LPP: variants seen among roughly 807,000 people sequenced by gnomAD.
LPP encodes the protein lipoma-preferred partner.
A neutral mutation model predicts 60.4 loss-of-function variants in LPP; 38 were observed. That is an observed-to-expected ratio of 0.63 (90% confidence interval 0.49 to 0.83). The LOEUF is 0.83. LPP is among the 40% of genes least tolerant of loss of function. The pLI is 0.00. For missense variants in LPP, 902 were observed against 783.6 expected, an observed-to-expected ratio of 1.15 and a Z score of -1.80; for synonymous variants, 328 against 290.8, an observed-to-expected ratio of 1.13 and a Z score of -1.30.
chr3:188,379,696 A>G (rs1776337759), intron 3 of LPP, among the ~76,000 whole-genome samples: 1 of 152,124 alleles, frequency 6.6e-6, no homozygotes, highest in South Asian at 2.1e-4. Flanking sequence ...ACATCATACA[A>G]TATGTAGTCT....
At chr3:188,512,483 C>T (rs533250196) in intron 5 of LPP, among the ~76,000 whole-genome samples, 4 of 91,320 alleles carry the variant, frequency 4.4e-5, no homozygotes, top group East Asian at 4.7e-4. Flanking sequence ...ACCTGGGAGA[C>T]GGAGGTTTCA....
intron 1 of LPP, among the ~76,000 whole-genome samples, chr3:188,191,384 C>T (rs1042767454): frequency 4.6e-5 from 7 of 152,200 alleles, no homozygotes; most frequent in Non-Finnish European, 8.8e-5. Context: ...TGGTTATTTC[C>T]TTATTCTTAG....
At position 188,613,300 on chromosome 3, in the gene LPP, A is replaced by ATATCTATATCTATATCTATATCTATATC. The variant is rs1553944251; in HGVS notation, c.1113+3471_1113+3472insCTATATCTATATCTATCTATATCTATAT. On this transcript the variant is annotated intron_variant, in intron 7 of 11. Transcript: ENST00000617246. The stretch of plus-strand genomic sequence containing the variant: ...TATATCTATATCTATATCTATATCT[A>ATATCTATATCTATATCTATATCTATATC]TATCTATATCTATATATATCGCTGT... 4.8e-5 allele frequency among the ~76,000 whole-genome samples: 7 copies of ATATCTATATCTATATCTATATCTATATC among 146,266 alleles called. No individual in the cohort carries two copies. In the South Asian group the frequency reaches 1.1e-3, roughly 22 times the overall value.
intron 7 of LPP, among the ~76,000 whole-genome samples, chr3:188,669,108 G>T (rs1042329673): frequency 6.6e-6 from 1 of 152,132 alleles, no homozygotes; most frequent in African/African-American, 2.4e-5. Context: ...AATTGAGAAG[G>T]GAAGTGAGTG....
intron 9 of LPP, among the ~76,000 whole-genome samples, chr3:188,773,263 G>GATGC (rs142588789): frequency 0.023 from 3,445 of 152,236 alleles, 110 homozygotes; most frequent in African/African-American, 0.073. Context: ...AGAGTAAGGG[G>GATGC]ATGCCAGCCA....
chr3:188,474,883 G>GTTTGT, intron 4 of LPP, among the ~76,000 whole-genome samples: 1 of 152,296 alleles, frequency 6.6e-6, no homozygotes, highest in South Asian at 2.1e-4. Flanking sequence ...AAAATATATG[G>GTTTGT]TGTGGTTTGT....
chr3:188,209,489 T>C (rs1261373283), intron 1 of LPP, among the ~76,000 whole-genome samples: 3 of 152,226 alleles, frequency 2.0e-5, no homozygotes, highest in African/African-American at 7.2e-5. Context: ...AGCCCCGTGA[T>C]TAGCAAATTG....
chr3:188,323,086 C>T (rs956320567), intron 2 of LPP, among the ~76,000 whole-genome samples: 4 of 152,160 alleles, frequency 2.6e-5, no homozygotes, highest in African/African-American at 9.7e-5. Flanking sequence ...AAAGCTTGGA[C>T]TAAAAGCGCT....
At chr3:188,277,525 G>T (rs1740415810) in intron 2 of LPP, among the ~76,000 whole-genome samples, 1 of 152,132 alleles carries the variant, frequency 6.6e-6, no homozygotes, top group Non-Finnish European at 1.5e-5. Flanking sequence ...TTTGACTTAA[G>T]AGAACTTACT....
At chr3:188,664,858 G>C (rs1855426738) in intron 7 of LPP, among the ~76,000 whole-genome samples, 1 of 152,150 alleles carries the variant, frequency 6.6e-6, no homozygotes, top group East Asian at 1.9e-4. Context: ...GTAGCCAGTT[G>C]TTTTTCTACT....
intron 4 of LPP, among the ~76,000 whole-genome samples, chr3:188,415,548 C>T (rs60946162): frequency 0.35 from 52,748 of 151,606 alleles, 10,970 homozygotes; most frequent in Middle Eastern, 0.61. Flanking sequence ...ACCCAAATAT[C>T]CTTTGATGGG....
At chr3:188,391,297 C>G (rs986817496) in intron 3 of LPP, among the ~76,000 whole-genome samples, 3 of 152,208 alleles carry the variant, frequency 2.0e-5, no homozygotes, top group Admixed American at 2.0e-4. Flanking sequence ...TGCCTCTTCC[C>G]CCTGGACTGG....
chr3:188,797,291 G>T (rs1745670233), intron 9 of LPP, among the ~76,000 whole-genome samples: 2 of 152,280 alleles, frequency 1.3e-5, no homozygotes, highest in South Asian at 4.1e-4. Flanking sequence ...AGCTATTAAA[G>T]TGTTCTTCCT....
chr3:188,560,873 C>T (rs1348269629), intron 6 of LPP, among the ~76,000 whole-genome samples: 1 of 152,008 alleles, frequency 6.6e-6, no homozygotes, highest in Admixed American at 6.6e-5. Flanking sequence ...ATTGAAGTCT[C>T]AGTAGTAACT....
intron 8 of LPP, among the ~76,000 whole-genome samples, chr3:188,754,224 T>C (rs1729395163): frequency 6.6e-6 from 1 of 152,310 alleles, no homozygotes; most frequent in African/African-American, 2.4e-5. Context: ...TTAATATAAG[T>C]AAACCACTTT....
rs1054880991 is a variant in LPP, at chr3:188,584,534, T to C, written c.430-24627T>C. 3.7e-5 allele frequency: 5 copies of C among 135,760 alleles called. No homozygotes were observed. In the East Asian group the frequency reaches 1.1e-3, roughly 29 times the overall value. The allele number at this position is 135,760 out of a possible 1,614,324, so 8.4% of individuals were successfully genotyped here. A position where few individuals can be genotyped will look rare whatever the true frequency, so the allele number is the denominator to read the frequency against. ...TAGAAAAATAAGTTTAAATGTTTCT[T>C]TTAATTTTAGTCGTGTGTGTGTGTG... On this transcript the variant is annotated intron_variant, in intron 6 of 11. Coordinates refer to ENST00000617246, the MANE Select transcript of LPP (RefSeq NM_001375462.1).
intron 6 of LPP, among the ~76,000 whole-genome samples, chr3:188,528,186 C>T (rs1023306396): frequency 4.6e-5 from 7 of 151,958 alleles, no homozygotes; most frequent in Non-Finnish European, 1.0e-4. Context: ...TGCCACCATG[C>T]CCAGCTAATT....
At chr3:188,273,498 A>C (rs1016374812) in intron 2 of LPP, among the ~76,000 whole-genome samples, 1 of 151,714 alleles carries the variant, frequency 6.6e-6, no homozygotes, top group South Asian at 2.1e-4. Context: ...TCCTCTCTCA[A>C]TCTTACCCCC....
intron 8 of LPP, chr3:188,712,277 A>G (rs1189447355): frequency 6.6e-6 from 1 of 152,236 alleles, no homozygotes; most frequent in Non-Finnish European, 1.5e-5. Context: ...TCCGTGCTTT[A>G]AACATTTCTC....
Sources: gnomAD v4.1 joint callset for allele counts (sites outside exome capture counted in the v4.1 genomes callset) on GRCh38, gnomAD v4.1.1 for gene constraint, MANE v1.5 for transcripts, NCBI Gene and HGNC (gene_info 2026-07-23, HGNC 2026-07-21) for gene names.